Variants in CEP135 observed in about 807,000 individuals in gnomAD.
The protein encoded by CEP135 is centrosomal protein 135.
CEP135 carries 142 observed loss-of-function variants against 157.3 expected under a neutral mutation model. The ratio of observed to expected loss-of-function variants is 0.90; its 90% CI spans 0.79 to 1.04. The LOEUF (loss-of-function observed/expected upper bound fraction) is 1.04, where lower values mean the gene tolerates loss of function less well. Ranked by LOEUF, CEP135 falls within the 50% of genes least tolerant of loss-of-function variation. The pLI, the probability that CEP135 is intolerant of heterozygous loss-of-function variation, is 0.00. For synonymous variants in CEP135, 396 were observed against 439.8 expected, an observed-to-expected ratio of 0.90 and a Z score of 1.25; for missense variants, 1,317 against 1,309.2, an observed-to-expected ratio of 1.01 and a Z score of -0.09.
At chr4:55,990,544 G>T (rs34558195) in intron 14 of CEP135, among the ~76,000 whole-genome samples, 1 of 151,940 alleles carries the variant, frequency 6.6e-6, no homozygotes, top group Non-Finnish European at 1.5e-5. Flanking sequence ...TGCCCAGGCC[G>T]GAGTGCTGTT....
At chr4:56,027,716 C>A (rs1169664394) in intron 25 of CEP135, among the ~76,000 whole-genome samples, 1 of 152,060 alleles carries the variant, frequency 6.6e-6, no homozygotes, top group East Asian at 1.9e-4. Context: ...GAGCCAGGGT[C>A]TCACTCTGTC....
intron 25 of CEP135, among the ~76,000 whole-genome samples, chr4:56,029,808 C>T (rs2109758449): frequency 6.6e-6 from 1 of 152,222 alleles, no homozygotes; most frequent in South Asian, 2.1e-4. Context: ...AAATGGTACA[C>T]CTATATAGGA....
In CEP135 at chr4:55,981,211, C is replaced by A. The variant is rs1729394014; in HGVS notation, c.1627-16C>A. 2 of 1,558,278 alleles carry A rather than the reference C, an allele frequency of 1.3e-6. No individual in the cohort carries two copies. Among genetic ancestry groups the A allele is most frequent in the East Asian group, 2.3e-5 (1 of 42,662 alleles). On this transcript the variant is annotated splice_polypyrimidine_tract_variant and intron_variant, in intron 12 of 25. Transcript: ENST00000257287. ...ACTAAAGTGCCTTTTTAATTTATAT[C>A]TTTTCATTCTTTAAGGCTCAGGAAG... is the stretch of plus-strand genomic sequence containing the variant.
intron 25 of CEP135, among the ~76,000 whole-genome samples, chr4:56,028,404 A>G (rs1047128726): frequency 3.3e-5 from 5 of 152,204 alleles, no homozygotes; most frequent in Non-Finnish European, 7.3e-5. Context: ...TTTAATTACA[A>G]TAATTCTAGT....
intron 17 of CEP135, among the ~76,000 whole-genome samples, chr4:56,002,427 G>A (rs1223044321): frequency 1.3e-5 from 2 of 151,644 alleles, no homozygotes; most frequent in African/African-American, 4.8e-5. Context: ...CTTTGTTGAG[G>A]GTTTTTACAA....
intron 25 of CEP135, among the ~76,000 whole-genome samples, chr4:56,024,825 CTTT>C (rs71192063): frequency 1.4e-5 from 2 of 142,258 alleles, no homozygotes; most frequent in African/African-American, 2.6e-5. Context: ...ACAGTGTATG[CTTT>C]TTTTTTTTTT....
chr4:55,955,039 C>G (rs1232376874), intron 4 of CEP135, among the ~76,000 whole-genome samples: 1 of 151,842 alleles, frequency 6.6e-6, no homozygotes, highest in Non-Finnish European at 1.5e-5. Flanking sequence ...TGAGATTGCA[C>G]CACTGCACTC....
chr4:55,954,162 C>T, intron 3 of CEP135, 54 bp from the exon 4 acceptor site: 2 of 1,465,526 alleles, frequency 1.4e-6, no homozygotes, highest in East Asian at 2.4e-5. Context: ...AATGGAAAAA[C>T]TTCATTGGAT....
At chr4:55,953,316 GTC>G in intron 3 of CEP135, 41 bp downstream of exon 3, 1 of 1,353,154 alleles carries the variant, frequency 7.4e-7, no homozygotes, top group Non-Finnish European at 9.9e-7. Context: ...CAATGTCTTT[GTC>G]CTTTTTATTT....
intron 23 of CEP135, 73 bp from the exon 24 acceptor site, chr4:56,020,603 A>G: frequency 8.3e-7 from 1 of 1,199,914 alleles, no homozygotes; most frequent in Non-Finnish European, 1.2e-6. Flanking sequence ...CTCTTTATTA[A>G]TTTAAAAAAC....
intron 4 of CEP135, among the ~76,000 whole-genome samples, chr4:55,955,799 A>G (rs1187949185): frequency 6.6e-6 from 1 of 152,160 alleles, no homozygotes; most frequent in African/African-American, 2.4e-5. Context: ...CCACTTTTGG[A>G]TGTGTGGAGT....
rs777706674 is a variant in CEP135, at chr4:56,017,710, A to G, written c.2865A>G (p.Arg955=). 1.3e-5 allele frequency: 21 copies of G among 1,613,824 alleles called. No individual in the cohort carries two copies. The East Asian group carries it at 3.6e-4, about 27-fold the overall frequency. The change falls in exon 22 of 26, where the codon CGA becomes CGG. Residue 955 remains arginine, a synonymous_variant. Coordinates refer to ENST00000257287, the MANE Select transcript of CEP135 (RefSeq NM_025009.5). ...QISSMAKAMS[R]LEEELRHQED... Reference sequence around the variant, plus strand: ...CATCAATGGCAAAAGCCATGTCTCGATTAGAAGAAGAGCTGAGACATCAAG... The same window carrying G: ...CATCAATGGCAAAAGCCATGTCTCGGTTAGAAGAAGAGCTGAGACATCAAG...
At position 56,024,633 on chromosome 4, in the gene CEP135, G is replaced by A. The variant is rs749983343; in HGVS notation, c.*11+19G>A. ...CAGAAAGGTATGTATGTAACACCAAGGACAGGCAAAACTAATCTGTGGTTG... is the reference window on the plus strand; with the variant it reads ...CAGAAAGGTATGTATGTAACACCAAAGACAGGCAAAACTAATCTGTGGTTG... On this transcript the variant is annotated intron_variant, in intron 25 of 25. Transcript: ENST00000257287. The A allele has an allele frequency of 2.7e-6, 4 of 1,490,316 alleles. No individual in the cohort carries two copies. Among genetic ancestry groups the A allele is most frequent in the Non-Finnish European group, 3.7e-6 (4 of 1,069,806 alleles). The allele number at this position is 1,490,316 out of a possible 1,614,324, so 92.3% of individuals were successfully genotyped here.
intron 5 of CEP135, among the ~76,000 whole-genome samples, chr4:55,958,761 C>T (rs1173628489): frequency 6.6e-6 from 1 of 152,100 alleles, no homozygotes; most frequent in Non-Finnish European, 1.5e-5. Flanking sequence ...GCCTCATTTA[C>T]TCCACCCCAT....
intron 8 of CEP135, among the ~76,000 whole-genome samples, chr4:55,968,827 A>T (rs1728924794): frequency 6.6e-6 from 1 of 152,184 alleles, no homozygotes. Context: ...ATCCTACAAG[A>T]TGCTCAAGTG....
At position 55,984,982 on chromosome 4, in the gene CEP135, G is replaced by C. The variant is rs76102152; in HGVS notation, c.1780-299G>C. ...AACCTGCTGGTTTTGTCCTTTTATA[G>C]TTGTGCTATTATGGATTAATCTGTA... On this transcript the variant is annotated intron_variant, in intron 13 of 25. Transcript: ENST00000257287. Among the ~76,000 whole-genome samples, 3,922 of 152,162 alleles carry C rather than the reference G, an allele frequency of 0.026. 173 individuals carry two copies. The highest frequency in any genetic ancestry group is 0.088 in the African/African-American group (3,663 of 41,480).
chr4:55,965,461 A>G (rs1224422805), intron 7 of CEP135, 183 bp from the exon 8 acceptor site: 1 of 500,008 alleles, frequency 2.0e-6, no homozygotes, highest in African/African-American at 1.9e-5. Context: ...ATGGATATGT[A>G]CTTTCATTAC....
In CEP135 at chr4:56,033,254, T is replaced by C. The variant is rs1289374100; in HGVS notation, c.*1906T>C. On this transcript the variant is annotated 3_prime_UTR_variant, in exon 26 of 26. Coordinates refer to ENST00000257287, the MANE Select transcript of CEP135 (RefSeq NM_025009.5). ...ATGATATTGTTTTGAAAAAATTTTA[T>C]CTTAAAATACTGAATGTTCTGACCT... The C allele has an allele frequency of 6.6e-6, 1 of 152,164 alleles. No individual in the cohort carries two copies. The highest frequency in any genetic ancestry group is 1.5e-5 in the Non-Finnish European group (1 of 68,014). 9.4% of individuals were successfully genotyped at this position (152,164 alleles called of 1,614,324 possible).
intron 25 of CEP135, among the ~76,000 whole-genome samples, chr4:56,027,679 T>TTTTAG (rs1731200794): frequency 6.6e-6 from 1 of 151,592 alleles, no homozygotes; most frequent in Non-Finnish European, 1.5e-5. Flanking sequence ...AGACACTGCA[T>TTTTAG]TTTTGTTTTG....
Sources: allele counts gnomAD v4.1 joint callset (sites outside exome capture counted in the v4.1 genomes callset), GRCh38; gene constraint gnomAD v4.1.1; transcripts MANE v1.5; gene names NCBI Gene and HGNC (gene_info 2026-07-23, HGNC 2026-07-21).